The following PSPC1 variants were observed in gnomAD, a reference collection of about 807,000 sequenced individuals.
The protein encoded by PSPC1 is paraspeckle protein 1.
In PSPC1, 14 loss-of-function variants were observed where a neutral mutation model predicts 51.6. The observed-to-expected ratio is 0.27, with a 90% confidence interval of 0.18 to 0.42. The LOEUF (loss-of-function observed/expected upper bound fraction) is 0.42, where lower values mean the gene tolerates loss of function less well. Among genes scored for constraint, PSPC1 ranks in the 10% least tolerant of loss-of-function variants. The pLI is 1.00. For missense variants in PSPC1, 406 were observed against 701.1 expected, an observed-to-expected ratio of 0.58 and a Z score of 4.75; for synonymous variants, 193 against 231.9, an observed-to-expected ratio of 0.83 and a Z score of 1.53.
At chr13:19,700,342 T>C (rs1328927962), downstream of PSPC1, among the ~76,000 whole-genome samples, 2 of 152,124 alleles carry the variant, frequency 1.3e-5, no homozygotes, top group African/African-American at 2.4e-5. Flanking sequence ...CCTATTTTTA[T>C]TAAATGGCAA....
At chr13:19,747,031 CCAGGA>C (rs1886067459) in intron 4 of PSPC1, among the ~76,000 whole-genome samples, 1 of 152,062 alleles carries the variant, frequency 6.6e-6, no homozygotes, top group Non-Finnish European at 1.5e-5. Flanking sequence ...TCGCTTGAAC[CCAGGA>C]GGTGGAGGTT....
intron 6 of PSPC1, among the ~76,000 whole-genome samples, chr13:19,690,163 TTAGG>T (rs1446152191): frequency 6.6e-6 from 1 of 152,244 alleles, no homozygotes; most frequent in Non-Finnish European, 1.5e-5. Flanking sequence ...CCTGAGAGGA[TTAGG>T]TAGTCCCCTT....
intron 5 of PSPC1, among the ~76,000 whole-genome samples, chr13:19,740,637 CCTAA>C (rs1189722749): frequency 3.9e-5 from 6 of 152,052 alleles, no homozygotes; most frequent in Non-Finnish European, 7.4e-5. Context: ...TATAATATTT[CCTAA>C]CTAGTATGAT....
At chr13:19,721,790 A>C (rs1330487013) in intron 6 of PSPC1, among the ~76,000 whole-genome samples, 1 of 152,228 alleles carries the variant, frequency 6.6e-6, no homozygotes, top group African/African-American at 2.4e-5. Flanking sequence ...TCTGAAGTAA[A>C]AAGTTAGGTG....
chr13:19,769,732 G>A lies in PSPC1; in HGVS notation c.674+2510C>T, dbSNP rs12583928. ...CCTGGGCAACAAGAGCGAAAACTCC[G>A]TCTCAAAAAATAATAATAAAATAAA... On this transcript the variant is annotated intron_variant, in intron 2 of 8. Transcript: ENST00000338910. Among the ~76,000 whole-genome samples the A allele has an allele frequency of 5.3e-4, 80 of 151,946 alleles. 3 individuals are homozygous for A. In the East Asian group the frequency reaches 0.014, roughly 28 times the overall value.
At chr13:19,764,217 T>C (rs1386848632) in intron 2 of PSPC1, among the ~76,000 whole-genome samples, 1 of 152,132 alleles carries the variant, frequency 6.6e-6, no homozygotes, top group Non-Finnish European at 1.5e-5. Context: ...TCTGATCACA[T>C]TTTTGTGAAA....
At chr13:19,761,794 G>A (rs1212397299) in intron 2 of PSPC1, among the ~76,000 whole-genome samples, 1 of 152,122 alleles carries the variant, frequency 6.6e-6, no homozygotes, top group Non-Finnish European at 1.5e-5. Context: ...TTCATCCGCT[G>A]GAAGCTATGG....
chr13:19,697,904 G>A (rs986916233), downstream of PSPC1, among the ~76,000 whole-genome samples: 7 of 151,854 alleles, frequency 4.6e-5, no homozygotes, highest in Admixed American at 2.0e-4. Context: ...CAATTTTCAC[G>A]TAATAAATAA....
intron 1 of PSPC1, among the ~76,000 whole-genome samples, chr13:19,780,583 G>A (rs1172217384): frequency 2.7e-5 from 3 of 110,876 alleles, no homozygotes; most frequent in Non-Finnish European, 3.9e-5. Flanking sequence ...GGTGCAAGAT[G>A]TGCTTTGTTA....
downstream of PSPC1, among the ~76,000 whole-genome samples, chr13:19,700,209 T>C (rs1879737938): frequency 6.6e-6 from 1 of 152,062 alleles, no homozygotes; most frequent in Non-Finnish European, 1.5e-5. Context: ...AGACTCTACA[T>C]ATAAGTAGCA....
chr13:19,758,148 A>C (rs1481988746), intron 3 of PSPC1, among the ~76,000 whole-genome samples: 1 of 152,002 alleles, frequency 6.6e-6, no homozygotes, highest in African/African-American at 2.4e-5. Flanking sequence ...CCCCGTCTCT[A>C]CTAAAATACA....
chr13:19,730,840 G>A (rs909455961), intron 5 of PSPC1, among the ~76,000 whole-genome samples: 1 of 150,510 alleles, frequency 6.6e-6, no homozygotes, highest in Non-Finnish European at 1.5e-5. Context: ...CCAGCTACTC[G>A]AGAGGCTGAG....
chr13:19,740,110 G>A (rs1055233305), intron 5 of PSPC1, among the ~76,000 whole-genome samples: 1 of 152,096 alleles, frequency 6.6e-6, no homozygotes, highest in Admixed American at 6.6e-5. Context: ...TTGGGAGGCC[G>A]AGGCAGGCGG....
At chr13:19,739,862 T>TAA (rs1005642453) in intron 5 of PSPC1, among the ~76,000 whole-genome samples, 99 of 129,346 alleles carry the variant, frequency 7.7e-4, no homozygotes, top group African/African-American at 1.3e-3. Context: ...GAGAGTTGTT[T>TAA]AAAAAAAAAA....
At chr13:19,756,496 G>A (rs974460887) in intron 3 of PSPC1, among the ~76,000 whole-genome samples, 1 of 152,006 alleles carries the variant, frequency 6.6e-6, no homozygotes, top group Non-Finnish European at 1.5e-5. Context: ...CTGGCAAAAG[G>A]GTAAAGAAAA....
chr13:19,694,751 G>A (rs916340067), intron 6 of PSPC1, among the ~76,000 whole-genome samples: 5 of 152,234 alleles, frequency 3.3e-5, no homozygotes, highest in African/African-American at 1.2e-4. Context: ...ACTACTACTA[G>A]GATGGTTCAG....
In PSPC1 at chr13:19,782,797, T is replaced by G. The variant is rs371068832; in HGVS notation, c.-40A>C. On this transcript the variant is annotated 5_prime_UTR_variant, in exon 1 of 9. Transcript: ENST00000338910. The surrounding 1 kb of genome is among the most constrained non-coding windows in gnomAD (Gnocchi z 4.5). ...CTCGGACACCGGATACAGGCCTAGA[T>G]TTATAGACAGTGTGTCTATATATAT... The G allele has an allele frequency of 2.0e-6, 3 of 1,503,188 alleles. No individual in the cohort carries two copies. Among genetic ancestry groups the G allele is most frequent in the Non-Finnish European group, 2.6e-6 (3 of 1,144,000 alleles). 93.1% of individuals were successfully genotyped at this position (1,503,188 alleles called of 1,614,324 possible).
intron 5 of PSPC1, among the ~76,000 whole-genome samples, chr13:19,733,914 C>T (rs1884451765): frequency 6.6e-6 from 1 of 151,974 alleles, no homozygotes; most frequent in African/African-American, 2.4e-5. Context: ...GATCACACCA[C>T]TGCACTCCAT....
intron 5 of PSPC1, among the ~76,000 whole-genome samples, chr13:19,731,699 C>G: frequency 6.6e-6 from 1 of 152,158 alleles, no homozygotes; most frequent in Admixed American, 6.5e-5. Flanking sequence ...CAGGCGTGAG[C>G]CCCAACACCC....
Sources: gnomAD v4.1 joint callset for allele counts (sites outside exome capture counted in the v4.1 genomes callset) on GRCh38, gnomAD v4.1.1 for gene constraint, Gnocchi (gnomAD v3.1) non-coding constraint, MANE v1.5 for transcripts, NCBI Gene and HGNC (gene_info 2026-07-23, HGNC 2026-07-21) for gene names.